HNRNPR: variants seen among roughly 807,000 people sequenced by gnomAD.
HNRNPR encodes heterogeneous nuclear ribonucleoprotein R.
Under a neutral mutation model 70.3 loss-of-function variants are expected in HNRNPR, and 4 were observed. That is an observed-to-expected ratio of 0.06 (90% CI 0.03 to 0.13). The LOEUF (loss-of-function observed/expected upper bound fraction) is 0.13, where lower values mean the gene tolerates loss of function less well. HNRNPR is among the 10% of genes least tolerant of loss of function. The probability of loss-of-function intolerance (pLI) is 1.00; values close to 1 mark genes in which losing one functional copy is unlikely to be tolerated. For synonymous variants in HNRNPR, 241 were observed against 267.6 expected (o/e 0.90, Z 0.97); for missense variants, 423 against 788.5 (o/e 0.54, Z 5.55).
chr1:23,313,056 C>A (rs3765941), intron 9 of HNRNPR, among the ~76,000 whole-genome samples: 1 of 151,868 alleles, frequency 6.6e-6, no homozygotes, highest in African/African-American at 2.4e-5. Flanking sequence ...CTAACAATTA[C>A]CGAAATCAGT....
intron 5 of HNRNPR, among the ~76,000 whole-genome samples, chr1:23,325,930 G>A (rs780937918): frequency 4.6e-5 from 7 of 152,144 alleles, no homozygotes; most frequent in African/African-American, 7.2e-5. Context: ...GCATGATCAT[G>A]GCTCACTATA....
chr1:23,306,573 C>G lies in HNRNPR; in HGVS notation c.*3881G>C. ...ACACTTGCAGATTTCTGGATAACAT[C>G]TGAAAATGATTAAAAAAACAAAAAA... is the stretch of plus-strand genomic sequence containing the variant. On this transcript the variant is annotated 3_prime_UTR_variant, in exon 11 of 11. Transcript: ENST00000302271. 6.6e-6 allele frequency: 1 copy of G among 150,838 alleles called. No individual in the cohort carries two copies. The highest frequency in any genetic ancestry group is 1.9e-4 in the East Asian group (1 of 5,192). The allele number at this position is 150,838 out of a possible 1,614,324, so 9.3% of individuals were successfully genotyped here.
rs1176918624 is a variant in HNRNPR at position 23,304,780 on chromosome 1, T to G, written c.*5674A>C. 2.6e-5 allele frequency: 4 copies of G among 152,206 alleles called. No individual in the cohort carries two copies. The highest frequency in any genetic ancestry group is 5.9e-5 in the Non-Finnish European group (4 of 68,034). 9.4% of individuals were successfully genotyped at this position (152,206 alleles called of 1,614,324 possible). A position where few individuals can be genotyped will look rare whatever the true frequency, so the allele number is the denominator to read the frequency against. On this transcript the variant is annotated 3_prime_UTR_variant, in exon 11 of 11. Coordinates refer to ENST00000302271, the MANE Select transcript of HNRNPR (RefSeq NM_005826.5). The stretch of plus-strand genomic sequence containing the variant: ...CATGAACACTGTACCAAAAGCATGA[T>G]TTTTATTAAACTGATGATTAAATGG...
At chr1:23,317,887 G>C (rs905392159) in intron 8 of HNRNPR, among the ~76,000 whole-genome samples, 3 of 151,992 alleles carry the variant, frequency 2.0e-5, no homozygotes, top group Non-Finnish European at 4.4e-5. Context: ...GGCTGAGGAA[G>C]GAGAATCGCT....
At chr1:23,314,242 A>C (rs190609862) in intron 8 of HNRNPR, among the ~76,000 whole-genome samples, 1 of 152,172 alleles carries the variant, frequency 6.6e-6, no homozygotes, top group African/African-American at 2.4e-5. Flanking sequence ...TAGATTGAAA[A>C]TTTAAATAAT....
At chr1:23,343,475 T>G (rs1646780122) in intron 1 of HNRNPR, among the ~76,000 whole-genome samples, 1 of 152,208 alleles carries the variant, frequency 6.6e-6, no homozygotes, top group Admixed American at 6.5e-5. Flanking sequence ...CAAGAAGCCC[T>G]GGGCTTTTTT....
At chr1:23,338,645 C>T (rs1161899879) in intron 2 of HNRNPR, 37 bp from the exon 3 acceptor site, 1 of 996,024 alleles carries the variant, frequency 1.0e-6, no homozygotes, top group African/African-American at 1.6e-5. Flanking sequence ...GTTATTGCAA[C>T]AAAAGGGGTA....
chr1:23,326,868 C>T (rs1416801320), intron 5 of HNRNPR, among the ~76,000 whole-genome samples: 2 of 152,158 alleles, frequency 1.3e-5, no homozygotes, highest in African/African-American at 4.8e-5. Context: ...GATGCAACTA[C>T]CACCGTCAAA....
Position 23,310,376 on chromosome 1 carries a change from A to G in HNRNPR, c.*78T>C. 1 of 1,404,172 alleles carries G rather than the reference A, an allele frequency of 7.1e-7. No homozygotes were observed. The allele number at this position is 1,404,172 out of a possible 1,614,324, so 87.0% of individuals were successfully genotyped here. On this transcript the variant is annotated 3_prime_UTR_variant, in exon 11 of 11. Coordinates refer to ENST00000302271, the MANE Select transcript of HNRNPR (RefSeq NM_005826.5). The surrounding 1 kb of genome is among the most constrained non-coding windows in gnomAD (Gnocchi z 6.0). The stretch of plus-strand genomic sequence containing the variant: ...ATGCTACTTAAAGATGAAACAGTTA[A>G]GCCAATTTTTTTTTTTGAAGAATGT...
intron 2 of HNRNPR, among the ~76,000 whole-genome samples, chr1:23,340,311 A>T (rs751433931): frequency 1.6e-5 from 2 of 126,872 alleles, no homozygotes; most frequent in African/African-American, 4.0e-5. Context: ...CTTCTGGATT[A>T]AAAAAAAAAA....
In HNRNPR at chr1:23,315,643, G is replaced by T. The variant is rs575987968; in HGVS notation, c.1018-1941C>A. On this transcript the variant is annotated intron_variant, in intron 8 of 10. Transcript: ENST00000302271. ...GACAAAGGGGATTTGGTAGACACAG[G>T]GATAGGGGTAGAAAGGAAATTTCTT... Among the ~76,000 whole-genome samples, 72 of 152,222 alleles carry T rather than the reference G, an allele frequency of 4.7e-4. 1 individual carries two copies. In the South Asian group the frequency reaches 0.014, roughly 30 times the overall value.
chr1:23,315,974 C>T (rs746049513), intron 8 of HNRNPR, among the ~76,000 whole-genome samples: 6 of 152,076 alleles, frequency 3.9e-5, no homozygotes, highest in Non-Finnish European at 7.4e-5. Context: ...AAATTACTTA[C>T]TGAAATTGTG....
intron 8 of HNRNPR, among the ~76,000 whole-genome samples, chr1:23,314,451 G>A (rs1197744339): frequency 6.6e-6 from 1 of 152,116 alleles, no homozygotes; most frequent in African/African-American, 2.4e-5. Context: ...TTTGCAACAT[G>A]TATCACAAAC....
At chr1:23,322,431 T>C (rs2749163) in intron 6 of HNRNPR, among the ~76,000 whole-genome samples, 7,258 of 152,184 alleles carry the variant, frequency 0.048, 545 homozygotes, top group African/African-American at 0.16. Flanking sequence ...AGACAGGGTT[T>C]CACCACGTTG....
rs1362673807 is a variant in HNRNPR at position 23,337,993 on chromosome 1, C to T, written c.277-132G>A. The stretch of plus-strand genomic sequence containing the variant: ...TACTGATTCATTCAACAAGTATTTG[C>T]CGAGTGGTTACTATGTGCCAGAGAT... On this transcript the variant is annotated intron_variant, in intron 3 of 10. Coordinates refer to ENST00000302271, the MANE Select transcript of HNRNPR (RefSeq NM_005826.5). The T allele has an allele frequency of 4.6e-6, 3 of 647,738 alleles. No individual in the cohort carries two copies. The African/African-American group carries it at 5.5e-5, about 12-fold the overall frequency. The allele number at this position is 647,738 out of a possible 1,614,324, so 40.1% of individuals were successfully genotyped here.
At chr1:23,332,757 T>G (rs2148447465) in intron 5 of HNRNPR, among the ~76,000 whole-genome samples, 1 of 147,922 alleles carries the variant, frequency 6.8e-6, no homozygotes, top group East Asian at 2.0e-4. Flanking sequence ...ACAAAAAAAC[T>G]TGGTTGGGCA....
intron 1 of HNRNPR, among the ~76,000 whole-genome samples, chr1:23,342,392 T>G (rs921373356): frequency 5.3e-5 from 8 of 152,174 alleles, no homozygotes; most frequent in Non-Finnish European, 1.0e-4. Context: ...GAGATAAACA[T>G]GACTCCTCAC....
intron 5 of HNRNPR, among the ~76,000 whole-genome samples, chr1:23,328,010 A>G (rs920347525): frequency 6.6e-6 from 1 of 151,210 alleles, no homozygotes; most frequent in Non-Finnish European, 1.5e-5. Flanking sequence ...AAAAAAAAAA[A>G]AAAGAAAAGA....
rs113887086 is a variant in HNRNPR at position 23,334,438 on chromosome 1, G to A, written c.385-807C>T. Among the ~76,000 whole-genome samples, 1,349 of 151,870 alleles carry A rather than the reference G, an allele frequency of 8.9e-3. 16 individuals carry two copies. The highest frequency in any genetic ancestry group is 0.031 in the African/African-American group (1,287 of 41,420). Reference sequence around the variant, plus strand: ...TTTTTAGTAAAGACAGGGTTTCACCGTGTTAGCCAGGATGGTCTCAATCTC... The same window carrying A: ...TTTTTAGTAAAGACAGGGTTTCACCATGTTAGCCAGGATGGTCTCAATCTC... On this transcript the variant is annotated intron_variant, in intron 4 of 10. Coordinates refer to ENST00000302271, the MANE Select transcript of HNRNPR (RefSeq NM_005826.5).
Sources: gnomAD v4.1 joint callset for allele counts (sites outside exome capture counted in the v4.1 genomes callset) on GRCh38, gnomAD v4.1.1 for gene constraint, Gnocchi (gnomAD v3.1) non-coding constraint, MANE v1.5 for transcripts, NCBI Gene and HGNC (gene_info 2026-07-23, HGNC 2026-07-21) for gene names.